MIA2: variants seen among roughly 807,000 people sequenced by gnomAD.
MIA2 encodes the protein MIA SH3 domain ER export factor 2, also known as melanoma inhibitory activity protein 2.
In MIA2, 127 loss-of-function variants were observed where a neutral mutation model predicts 167.8. The observed-to-expected ratio is 0.76, with a 90% CI of 0.66 to 0.88. The LOEUF (loss-of-function observed/expected upper bound fraction) is 0.88. Ranked by LOEUF, MIA2 falls within the 40% of genes least tolerant of loss-of-function variation. The pLI is 0.00. For missense variants in MIA2, 1,690 were observed against 1,624.7 expected, an observed-to-expected ratio of 1.04 and a Z score of -0.69; for synonymous variants, 552 against 541.9, an observed-to-expected ratio of 1.02 and a Z score of -0.26.
At chr14:39,265,295 T>C in intron 6 of MIA2, 4 of 930,014 alleles carry the variant, frequency 4.3e-6, no homozygotes, top group South Asian at 2.8e-5. Flanking sequence ...AACAGAAGAG[T>C]GCAGGATATA....
chr14:39,378,170 A>G (rs1042917472), intron 23 of MIA2, among the ~76,000 whole-genome samples: 2 of 152,250 alleles, frequency 1.3e-5, no homozygotes, highest in South Asian at 4.1e-4. Context: ...TTTTTCTCAT[A>G]AGAGTATATG....
intron 9 of MIA2, among the ~76,000 whole-genome samples, chr14:39,282,459 C>G (rs1212660951): frequency 1.3e-5 from 2 of 152,168 alleles, no homozygotes; most frequent in African/African-American, 4.8e-5. Context: ...TCCCTGCCCA[C>G]CCCTCCAGGG....
intron 6 of MIA2, among the ~76,000 whole-genome samples, chr14:39,256,975 A>C (rs904259595): frequency 4.6e-5 from 7 of 152,100 alleles, no homozygotes; most frequent in Admixed American, 2.0e-4. Flanking sequence ...GGTCTGAGAG[A>C]CTGTTACGAT....
chr14:39,380,429 T>C (rs948482175), intron 23 of MIA2, among the ~76,000 whole-genome samples: 2 of 152,194 alleles, frequency 1.3e-5, no homozygotes, highest in Non-Finnish European at 2.9e-5. Flanking sequence ...GTGCTGTGGC[T>C]CACACCTGTA....
At position 39,313,386 on chromosome 14, in the gene MIA2, C is replaced by T; in HGVS notation, c.3064C>T (p.Leu1022Phe). 2.5e-6 allele frequency: 4 copies of T among 1,602,260 alleles called. No homozygotes were observed. Among genetic ancestry groups the T allele is most frequent in the Non-Finnish European group, 3.4e-6 (4 of 1,174,500 alleles). The stretch of plus-strand genomic sequence containing the variant: ...TTATCGGTTAGAGAAAGAAGAGAAA[C>T]TTTCTAAAGTAGATGAAAAGATCAG... The part of the protein sequence containing the change: ...ENYRLEKEEK[L>F]SKVDEKISHA... Residue 1022 changes from leucine to phenylalanine, a missense_variant, in exon 19 of 29, where the codon CTT becomes TTT. By Grantham distance (22) the Leu-to-Phe change is conservative. Coordinates refer to ENST00000640607, the MANE Select transcript of MIA2 (RefSeq NM_001329214.4).
chr14:39,265,442 C>T, intron 6 of MIA2: 1 of 1,588,342 alleles, frequency 6.3e-7, no homozygotes, highest in Non-Finnish European at 8.6e-7. Context: ...AACTATTAAG[C>T]ATACTGAAAC....
chr14:39,253,478 G>A (rs11622951), intron 6 of MIA2: 192,572 of 373,734 alleles, frequency 0.52, 52,030 homozygotes, highest in African/African-American at 0.76. Flanking sequence ...GGAATAATAG[G>A]AACTAGAGCT....
chr14:39,245,071 C>A (rs893331117), intron 3 of MIA2, among the ~76,000 whole-genome samples: 26 of 56,808 alleles, frequency 4.6e-4, no homozygotes, highest in African/African-American at 1.7e-3. Context: ...GGCCGCCGCA[C>A]CTAGCTAACC....
At chr14:39,309,270 G>T (rs575119325) in intron 18 of MIA2, among the ~76,000 whole-genome samples, 1 of 152,294 alleles carries the variant, frequency 6.6e-6, no homozygotes, top group East Asian at 1.9e-4. Flanking sequence ...AATGTGAATT[G>T]TGAGTATGGT....
intron 23 of MIA2, among the ~76,000 whole-genome samples, chr14:39,363,759 T>A (rs1340260500): frequency 6.6e-6 from 1 of 152,208 alleles, no homozygotes; most frequent in African/African-American, 2.4e-5. Flanking sequence ...TTTATTGTTT[T>A]GTAATGTTCT....
At chr14:39,253,259 C>A (rs778573774) in intron 6 of MIA2, 88 bp downstream of exon 6, 1 of 1,509,532 alleles carries the variant, frequency 6.6e-7, no homozygotes, top group East Asian at 2.3e-5. Context: ...AATGAATCCT[C>A]CCTGTTTAAT....
intron 23 of MIA2, among the ~76,000 whole-genome samples, chr14:39,360,995 T>C (rs963260474): frequency 6.6e-6 from 1 of 152,198 alleles, no homozygotes; most frequent in Non-Finnish European, 1.5e-5. Context: ...CTCTACTCTG[T>C]TTTATTGGTC....
intron 3 of MIA2, among the ~76,000 whole-genome samples, chr14:39,246,710 C>A (rs1345084152): frequency 6.6e-6 from 1 of 152,146 alleles, no homozygotes; most frequent in South Asian, 2.1e-4. Flanking sequence ...AAACAAAAAA[C>A]CATAATGTAA....
intron 20 of MIA2, 154 bp downstream of exon 20, chr14:39,314,953 G>T (rs888997004): frequency 9.5e-6 from 5 of 525,084 alleles, no homozygotes; most frequent in Admixed American, 8.4e-5. Context: ...ACATTTCCCA[G>T]GAGCCAAAGA....
chr14:39,310,916 G>C (rs2152926054), intron 18 of MIA2, among the ~76,000 whole-genome samples: 1 of 152,320 alleles, frequency 6.6e-6, no homozygotes, highest in East Asian at 1.9e-4. Flanking sequence ...TTTTCAGCCA[G>C]TATACCTAGG....
intron 26 of MIA2, chr14:39,347,407 A>G: frequency 3.0e-6 from 1 of 331,778 alleles, no homozygotes; most frequent in Non-Finnish European, 5.5e-6. Flanking sequence ...ACATAAAAGG[A>G]GGGAGGAGGA....
intron 23 of MIA2, among the ~76,000 whole-genome samples, chr14:39,384,664 C>T (rs1224345550): frequency 6.6e-6 from 1 of 152,082 alleles, no homozygotes; most frequent in African/African-American, 2.4e-5. Context: ...GTTCAAGATC[C>T]TCACTCCGGC....
At chr14:39,289,144 A>G (rs2060373042) in intron 9 of MIA2, among the ~76,000 whole-genome samples, 1 of 151,964 alleles carries the variant, frequency 6.6e-6, no homozygotes, top group Non-Finnish European at 1.5e-5. Flanking sequence ...TTAATAACAG[A>G]TTGAGATATT....
chr14:39,381,820 CAAAA>C (rs766849306), intron 23 of MIA2, among the ~76,000 whole-genome samples: 15 of 151,358 alleles, frequency 9.9e-5, no homozygotes, highest in South Asian at 6.3e-4. Context: ...AAAACAAAAA[CAAAA>C]AAACCAGAAA....
Sources: gnomAD v4.1 joint callset for allele counts (sites outside exome capture counted in the v4.1 genomes callset) on GRCh38, gnomAD v4.1.1 for gene constraint, MANE v1.5 for transcripts, NCBI Gene and HGNC (gene_info 2026-07-23, HGNC 2026-07-21) for gene names.